The following DLC1 variants were observed in gnomAD, a reference collection of about 807,000 sequenced individuals.
DLC1 encodes the protein DLC1 Rho GTPase activating protein.
In DLC1, 54 loss-of-function variants were observed where a neutral mutation model predicts 140.3. The ratio of observed to expected loss-of-function variants is 0.38; its 90% CI spans 0.31 to 0.48. The LOEUF (loss-of-function observed/expected upper bound fraction) is 0.48, where lower values mean the gene tolerates loss of function less well. DLC1 is among the 20% of genes least tolerant of loss of function. DLC1 has a pLI of 0.96. For missense variants in DLC1, 2,536 were observed against 1,907.0 expected, an observed-to-expected ratio of 1.33 and a Z score of -6.14; for synonymous variants, 986 against 728.1, an observed-to-expected ratio of 1.35 and a Z score of -5.70.
chr8:13,373,318 A>C (rs969183450), intron 4 of DLC1, among the ~76,000 whole-genome samples: 1 of 152,200 alleles, frequency 6.6e-6, no homozygotes, highest in Admixed American at 6.5e-5. Flanking sequence ...TGATGATAAA[A>C]GCCTTCTTCA....
chr8:13,320,468 CA>C (rs1272930528), intron 4 of DLC1, among the ~76,000 whole-genome samples: 1 of 152,036 alleles, frequency 6.6e-6, no homozygotes, highest in Non-Finnish European at 1.5e-5. Flanking sequence ...AACATGAAAA[CA>C]ATGTCTTTTT....
intron 1 of DLC1, among the ~76,000 whole-genome samples, chr8:13,525,890 C>G (rs568004538): frequency 3.9e-5 from 6 of 152,192 alleles, no homozygotes; most frequent in African/African-American, 1.2e-4. Context: ...GCAAAAAGAT[C>G]TCTGCCTAAT....
At chr8:13,373,289 T>C (rs1835810924) in intron 4 of DLC1, among the ~76,000 whole-genome samples, 1 of 152,220 alleles carries the variant, frequency 6.6e-6, no homozygotes, top group African/African-American at 2.4e-5. Context: ...AATACAAAAG[T>C]GTGCTGTGGG....
intron 6 of DLC1, among the ~76,000 whole-genome samples, chr8:13,112,966 C>T (rs942930931): frequency 6.6e-6 from 1 of 151,990 alleles, no homozygotes; most frequent in African/African-American, 2.4e-5. Context: ...TTTCATATGC[C>T]TATTACCTAT....
intron 5 of DLC1, among the ~76,000 whole-genome samples, chr8:13,299,298 A>G (rs576362987): frequency 6.6e-6 from 1 of 151,654 alleles, no homozygotes; most frequent in Non-Finnish European, 1.5e-5. Context: ...TAAAAAAAAA[A>G]TTAGCCAGGT....
chr8:13,301,340 A>T (rs1395672780), intron 5 of DLC1, among the ~76,000 whole-genome samples: 1 of 152,194 alleles, frequency 6.6e-6, no homozygotes, highest in South Asian at 2.1e-4. Flanking sequence ...TTCTTCTTCC[A>T]CATGGACAGC....
intron 1 of DLC1, among the ~76,000 whole-genome samples, chr8:13,583,452 T>A (rs910033082): frequency 6.6e-6 from 1 of 152,178 alleles, no homozygotes; most frequent in Admixed American, 6.5e-5. Context: ...ATCCTCAGAT[T>A]CCACTTATAA....
intron 1 of DLC1, among the ~76,000 whole-genome samples, chr8:13,572,357 G>A (rs1034623148): frequency 6.6e-6 from 1 of 152,066 alleles, no homozygotes; most frequent in African/African-American, 2.4e-5. Flanking sequence ...CCAAAGTGCT[G>A]GAGGAATTAT....
chr8:13,167,693 A>C (rs1363615943), intron 5 of DLC1, among the ~76,000 whole-genome samples: 2 of 152,222 alleles, frequency 1.3e-5, no homozygotes, highest in African/African-American at 2.4e-5. Flanking sequence ...TTCTAATAAC[A>C]ATTCTCATTG....
intron 17 of DLC1, 35 bp downstream of exon 17, chr8:13,086,255 C>A (rs773462004): frequency 2.7e-5 from 43 of 1,598,802 alleles, no homozygotes; most frequent in Non-Finnish European, 3.5e-5. Context: ...CCTTCATGAC[C>A]CTCACCATAT....
intron 5 of DLC1, among the ~76,000 whole-genome samples, chr8:13,188,504 T>C (rs1003735765): frequency 1.3e-5 from 2 of 149,592 alleles, no homozygotes; most frequent in African/African-American, 2.4e-5. Flanking sequence ...AGAGGGACTT[T>C]CTATAGTATT....
At chr8:13,086,602 A>G (rs1370204389) in intron 16 of DLC1, 139 bp from the exon 17 acceptor site, 10 of 889,560 alleles carry the variant, frequency 1.1e-5, no homozygotes, top group South Asian at 1.7e-5. Flanking sequence ...GCCTAGGTAA[A>G]TGGCATCCTC....
intron 4 of DLC1, among the ~76,000 whole-genome samples, chr8:13,308,639 C>G (rs1832552098): frequency 6.6e-6 from 1 of 152,122 alleles, no homozygotes; most frequent in African/African-American, 2.4e-5. Context: ...AAACTCTTAG[C>G]AAAGTTTTCT....
At position 13,393,664 on chromosome 8, in the gene DLC1, T is replaced by G; in HGVS notation, c.1203A>C (p.Ala401=). ...PDLESGSESG[A]DTISVNQTRV... The stretch of plus-strand genomic sequence containing the variant: ...GTGTCTGATTTACTGAAATGGTATC[T>G]GCTCCACTTTCAGATCCTGATTCCA... The change falls in exon 4 of 18, where the codon GCA becomes GCC. Residue 401 remains alanine, a synonymous_variant. Coordinates refer to ENST00000276297, the MANE Select transcript of DLC1 (RefSeq NM_182643.3). The G allele has an allele frequency of 6.2e-7, 1 of 1,614,096 alleles. No homozygotes were observed. Among genetic ancestry groups the G allele is most frequent in the Non-Finnish European group, 8.5e-7 (1 of 1,179,994 alleles).
At chr8:13,408,006 G>A (rs564982534) in intron 2 of DLC1, among the ~76,000 whole-genome samples, 1 of 152,190 alleles carries the variant, frequency 6.6e-6, no homozygotes, top group South Asian at 2.1e-4. Context: ...TTTTAGAGCA[G>A]TGAAGATTTT....
At chr8:13,329,219 T>C (rs922500842) in intron 4 of DLC1, among the ~76,000 whole-genome samples, 12 of 152,174 alleles carry the variant, frequency 7.9e-5, no homozygotes, top group Non-Finnish European at 1.0e-4. Flanking sequence ...CTCTCCCAAA[T>C]TGATTCTGAA....
chr8:13,427,281 C>T (rs573023115), intron 2 of DLC1, among the ~76,000 whole-genome samples: 1 of 152,238 alleles, frequency 6.6e-6, no homozygotes, highest in African/African-American at 2.4e-5. Flanking sequence ...CTCTGTCCAA[C>T]TCGGCTCATG....
chr8:13,368,078 C>A lies in DLC1; in HGVS notation c.1314+25475G>T, dbSNP rs189936403. Among the ~76,000 whole-genome samples, 445 of 152,174 alleles carry A rather than the reference C, an allele frequency of 2.9e-3. 2 individuals are homozygous for A. Among genetic ancestry groups the A allele is most frequent in the African/African-American group, 0.01 (423 of 41,518 alleles). On this transcript the variant is annotated intron_variant, in intron 4 of 17. Transcript: ENST00000276297. ...CATCTTTGACCCTGGCTTCAAGAGG[C>A]CCTTGTGTTCCAAACAGCTGAATTT...
At chr8:13,100,876 C>T (rs200296175) in intron 8 of DLC1, 106 bp from the exon 9 acceptor site, 1 of 1,199,312 alleles carries the variant, frequency 8.3e-7, no homozygotes, top group African/African-American at 1.6e-5. Flanking sequence ...TCAATTTCCC[C>T]CTTGTACTTC....
Sources: gnomAD v4.1 joint callset for allele counts (sites outside exome capture counted in the v4.1 genomes callset) on GRCh38, gnomAD v4.1.1 for gene constraint, MANE v1.5 for transcripts, NCBI Gene and HGNC (gene_info 2026-07-23, HGNC 2026-07-21) for gene names.